Variants in DNAH17 observed in about 807,000 individuals in gnomAD.
The protein encoded by DNAH17 is dynein axonemal heavy chain 17.
DNAH17 carries 376 observed loss-of-function variants against 485.6 expected under a neutral mutation model. The ratio of observed to expected loss-of-function variants is 0.77; its 90% CI spans 0.71 to 0.84. DNAH17 has a LOEUF of 0.84. DNAH17 is among the 40% of genes least tolerant of loss of function. DNAH17 has a pLI of 0.00. For synonymous variants in DNAH17, 3,031 were observed against 2,405.9 expected (o/e 1.26, Z -7.60); for missense variants, 6,370 against 5,839.3 (o/e 1.09, Z -2.96).
chr17:78,467,157 C>T (rs1405930738), intron 55 of DNAH17, among the ~76,000 whole-genome samples: 1 of 152,238 alleles, frequency 6.6e-6, no homozygotes, highest in Non-Finnish European at 1.5e-5. Context: ...CCCTTCGGTT[C>T]AGCAGGAAGG....
intron 17 of DNAH17, among the ~76,000 whole-genome samples, chr17:78,541,888 G>A (rs2091600742): frequency 1.3e-5 from 2 of 152,080 alleles, no homozygotes; most frequent in African/African-American, 2.4e-5. Context: ...AATTCAGAGG[G>A]AGCTACTGGC....
Position 78,572,854 on chromosome 17 carries a change from C to A in DNAH17, c.386G>T (p.Gly129Val), listed in dbSNP as rs761918824. The A allele has an allele frequency of 2.5e-6, 4 of 1,613,912 alleles. No individual in the cohort carries two copies. Among genetic ancestry groups the A allele is most frequent in the Admixed American group, 1.7e-5 (1 of 60,002 alleles). Reference sequence around the variant, plus strand: ...GTCTTCCGAGACCACCTGGGGCCATCCAGCCATGTTCTCACTTTGGTTTAA... The same window carrying A: ...GTCTTCCGAGACCACCTGGGGCCATACAGCCATGTTCTCACTTTGGTTTAA... ...SLLNQSENMA[G>V]WPQVVSEDIV... The change falls in exon 3 of 81, where the codon GGA becomes GTA. Residue 129 changes from glycine (G) to valine (V), a missense_variant. Transcript: ENST00000389840.
rs772506868 is a variant in DNAH17 at position 78,425,480 on chromosome 17, A to G, written c.13007T>C (p.Met4336Thr). 1.2e-6 allele frequency: 2 copies of G among 1,613,774 alleles called. No individual in the cohort carries two copies. The highest frequency in any genetic ancestry group is 2.7e-5 in the African/African-American group (2 of 74,894). ...CTCGTTCTTCCTGGCCATGGACTGC[A>G]TGATGGCCGTGAGGAACGACTGGGG... Reference protein sequence around the residue: ...FNPQSFLTAIMQSMARKNEWP... With the variant: ...FNPQSFLTAITQSMARKNEWP... The change falls in exon 80 of 81, where the codon ATG (methionine) becomes ACG (threonine). Residue 4336 changes from methionine to threonine, a missense_variant. Physicochemically the swap from Met to Thr is moderately conservative, Grantham distance 81. Coordinates refer to ENST00000389840, the MANE Select transcript of DNAH17 (RefSeq NM_173628.4).
rs755460471 is a variant in DNAH17, at chr17:78,466,684, G to A, written c.8911C>T (p.Arg2971Cys). Residue 2971 changes from arginine (R) to cysteine (C), a missense_variant, in exon 56 of 81, where the codon CGC (arginine) becomes TGC (cysteine). Arg to Cys is a radical substitution (Grantham distance 180). Coordinates refer to ENST00000389840, the MANE Select transcript of DNAH17 (RefSeq NM_173628.4). ...PEDALVSVSARFLEETEGIPW... is the reference protein window; with the variant it reads ...PEDALVSVSACFLEETEGIPW... ...ATCCCCTCAGTCTCCTCCAGGAAGCGGGCGCTGACGGACACCAGCGCATCT... is the reference window on the plus strand; with the variant it reads ...ATCCCCTCAGTCTCCTCCAGGAAGCAGGCGCTGACGGACACCAGCGCATCT... The A allele has an allele frequency of 1.7e-5, 27 of 1,611,558 alleles. No individual in the cohort carries two copies. The highest frequency in any genetic ancestry group is 7.7e-5 in the South Asian group (7 of 90,876).
intron 48 of DNAH17, 85 bp from the exon 49 acceptor site, chr17:78,480,871 C>T: frequency 1.1e-6 from 1 of 900,870 alleles, no homozygotes; most frequent in Admixed American, 2.3e-5. Context: ...AGAATGCCCT[C>T]CTTATTATTA....
chr17:78,490,677 G>A (rs906510189), intron 44 of DNAH17, 22 bp downstream of exon 44: 2 of 1,594,986 alleles, frequency 1.3e-6, no homozygotes, highest in Non-Finnish European at 8.6e-7. Context: ...GTTTGGAACA[G>A]GAAAGCCAAA....
chr17:78,507,394 G>A (rs1443907153), intron 28 of DNAH17, 25 bp from the exon 29 acceptor site: 2 of 1,613,844 alleles, frequency 1.2e-6, no homozygotes, highest in African/African-American at 1.3e-5. Context: ...GGATCGCCAA[G>A]GCATTAGGGA....
chr17:78,575,024 GAT>G lies in DNAH17; in HGVS notation c.32_33del (p.Tyr11SerfsTer34). On this transcript the variant is annotated frameshift_variant, in exon 2 of 81. Transcript: ENST00000389840. LOFTEE classifies it high-confidence loss of function. MTMAPDVRLE[Y>X]LEEVASIVLK... ...AGGACGATGGAGGCAACTTCCTCCA[GAT>G]ACTCTAGTCTGACGTCCGGGGCCAT... 1 of 1,613,880 alleles carries G rather than the reference GAT, an allele frequency of 6.2e-7. No homozygotes were observed. Among genetic ancestry groups the G allele is most frequent in the Non-Finnish European group, 8.5e-7 (1 of 1,179,844 alleles).
intron 61 of DNAH17, 25 bp from the exon 62 acceptor site, chr17:78,458,705 C>T (rs2087929706): frequency 1.9e-6 from 3 of 1,594,836 alleles, no homozygotes; most frequent in Admixed American, 1.7e-5. Context: ...TGGAAAGCTG[C>T]TGGAAAACCC....
intron 64 of DNAH17, 27 bp from the exon 65 acceptor site, chr17:78,453,492 C>T: frequency 1.2e-6 from 2 of 1,613,044 alleles, no homozygotes; most frequent in Admixed American, 3.3e-5. Flanking sequence ...GAAGCTGGTT[C>T]ATGGCAGAGG....
Position 78,571,396 on chromosome 17 carries a change from G to C in DNAH17, c.733-18C>G. Reference sequence around the variant, plus strand: ...CTGTTTAGCTGAGAAGGGGAGTGAAGATCCACCTTTCATTGACCTGGAAGA... The same window carrying C: ...CTGTTTAGCTGAGAAGGGGAGTGAACATCCACCTTTCATTGACCTGGAAGA... On this transcript the variant is annotated intron_variant, in intron 4 of 80. Transcript: ENST00000389840. 6.3e-7 allele frequency: 1 copy of C among 1,596,096 alleles called. No individual in the cohort carries two copies.
At chr17:78,522,393 T>A in intron 25 of DNAH17, 2 of 285,800 alleles carry the variant, frequency 7.0e-6, no homozygotes, top group Non-Finnish European at 1.4e-5. Flanking sequence ...AGGGACTTTT[T>A]AATATGTGAG....
chr17:78,429,344 C>A, intron 75 of DNAH17, 44 bp from the exon 76 acceptor site: 6 of 1,588,766 alleles, frequency 3.8e-6, no homozygotes, highest in Non-Finnish European at 4.3e-6. Flanking sequence ...CCCCTGTGCC[C>A]CTTCTCTGCC....
At chr17:78,429,924 G>A (rs1242002137) in intron 75 of DNAH17, among the ~76,000 whole-genome samples, 14 of 152,184 alleles carry the variant, frequency 9.2e-5, no homozygotes, top group Non-Finnish European at 2.1e-4. Context: ...CACATAGAGG[G>A]TTTGAGCAAG....
intron 60 of DNAH17, 123 bp downstream of exon 60, chr17:78,459,661 G>A (rs2087996524): frequency 9.6e-7 from 1 of 1,041,564 alleles, no homozygotes; most frequent in Non-Finnish European, 1.4e-6. Flanking sequence ...ATGGGGAAGG[G>A]GCTGCCTAGA....
At position 78,507,319 on chromosome 17, in the gene DNAH17, G is replaced by C; in HGVS notation, c.4635C>G (p.Ser1545Arg). 6.2e-7 allele frequency: 1 copy of C among 1,614,040 alleles called. No homozygotes were observed. The highest frequency in any genetic ancestry group is 8.5e-7 in the Non-Finnish European group (1 of 1,179,892). Reference protein sequence around the residue: ...VKTPNVVEATSKPGLYNKLEA... With the variant: ...VKTPNVVEATRKPGLYNKLEA... The stretch of plus-strand genomic sequence containing the variant: ...CCAGTTTATTGTAGAGGCCGGGTTT[G>C]CTGGTGGCTTCCACCACGTTGGGTG... The change falls in exon 29 of 81, where the codon AGC becomes AGG. Residue 1545 changes from serine to arginine, a missense_variant. Physicochemically the swap from Ser to Arg is moderately radical, Grantham distance 110. Transcript: ENST00000389840.
At chr17:78,551,700 A>C in intron 15 of DNAH17, 62 bp from the exon 16 acceptor site, 159 of 1,536,182 alleles carry the variant, frequency 1.0e-4, no homozygotes, top group Non-Finnish European at 1.3e-4. Context: ...GCGGTGGCTC[A>C]AGCTTGTAAT....
intron 71 of DNAH17, 101 bp from the exon 72 acceptor site, chr17:78,441,300 T>A (rs1391308059): frequency 1.5e-6 from 2 of 1,352,412 alleles, no homozygotes. Flanking sequence ...CATTTTTTGG[T>A]GGACTTTCTT....
Position 78,574,782 on chromosome 17 carries a change from G to A in DNAH17, c.276C>T (p.Tyr92=), listed in dbSNP as rs2092410487. Residue 92 remains tyrosine (Y), a synonymous_variant, in exon 2 of 81, where the codon TAC becomes TAT. Transcript: ENST00000389840. ...TGTCGCCGTAAAGGAGCCGGGCCCTGTAGTTGTCCTTGTTGATGTTCTCGG... is the reference window on the plus strand; with the variant it reads ...TGTCGCCGTAAAGGAGCCGGGCCCTATAGTTGTCCTTGTTGATGTTCTCGG... ...TKSENINKDN[Y]RARLLYGDIS... The A allele has an allele frequency of 4.3e-6, 7 of 1,613,904 alleles. No homozygotes were observed. The highest frequency in any genetic ancestry group is 5.9e-6 in the Non-Finnish European group (7 of 1,179,904).
Sources: allele counts gnomAD v4.1 joint callset (sites outside exome capture counted in the v4.1 genomes callset), GRCh38; gene constraint gnomAD v4.1.1; transcripts MANE v1.5; gene names NCBI Gene and HGNC (gene_info 2026-07-23, HGNC 2026-07-21).